Variants in ANKRD55 observed in about 807,000 individuals in gnomAD.
ANKRD55 encodes ankyrin repeat domain-containing protein 55.
A neutral mutation model predicts 60.6 loss-of-function variants in ANKRD55; 41 were observed. The observed-to-expected ratio is 0.68, with a 90% CI of 0.53 to 0.88. The LOEUF (loss-of-function observed/expected upper bound fraction) is 0.88, where lower values mean the gene tolerates loss of function less well. ANKRD55 is among the 40% of genes least tolerant of loss of function. The pLI is 0.00. For missense variants in ANKRD55, 732 were observed against 767.6 expected (o/e 0.95, Z 0.55); for synonymous variants, 264 against 290.3 (o/e 0.91, Z 0.92).
intron 8 of ANKRD55, among the ~76,000 whole-genome samples, chr5:56,124,817 A>T (rs965736683): frequency 2.0e-5 from 3 of 152,132 alleles, no homozygotes; most frequent in Non-Finnish European, 4.4e-5. Context: ...TGAAAAATTC[A>T]ACTATTAACA....
chr5:56,154,909 C>T (rs965608169), intron 6 of ANKRD55, among the ~76,000 whole-genome samples: 3 of 152,044 alleles, frequency 2.0e-5, no homozygotes, highest in Non-Finnish European at 2.9e-5. Context: ...TAACTGGCTT[C>T]ATTTGCAATT....
At chr5:56,133,400 C>T (rs78845991) in intron 7 of ANKRD55, among the ~76,000 whole-genome samples, 1,580 of 48,008 alleles carry the variant, frequency 0.033, 23 homozygotes, top group Middle Eastern at 0.062. Context: ...GATTGTGCCA[C>T]TGCACTCCAG....
At chr5:56,201,028 T>C (rs1759353406) in intron 2 of ANKRD55, among the ~76,000 whole-genome samples, 1 of 152,194 alleles carries the variant, frequency 6.6e-6, no homozygotes, top group African/African-American at 2.4e-5. Context: ...TTTCTGTCCC[T>C]AAGAAAGACA....
intron 2 of ANKRD55, chr5:56,193,453 G>A: frequency 2.0e-6 from 1 of 509,112 alleles, no homozygotes; most frequent in Admixed American, 3.0e-5. Context: ...TTGCTGTTCC[G>A]ATCTTGCAGT....
chr5:56,155,399 G>A (rs1253817675), intron 6 of ANKRD55, among the ~76,000 whole-genome samples: 1 of 152,128 alleles, frequency 6.6e-6, no homozygotes, highest in Non-Finnish European at 1.5e-5. Flanking sequence ...AAAACTGATT[G>A]CTTAACATCA....
chr5:56,209,180 C>T (rs2111870364), intron 2 of ANKRD55, among the ~76,000 whole-genome samples: 1 of 152,232 alleles, frequency 6.6e-6, no homozygotes, highest in South Asian at 2.1e-4. Flanking sequence ...TGGTTTCAAA[C>T]TCTTGGCCTC....
At chr5:56,173,281 TC>T (rs1305644078) in intron 4 of ANKRD55, among the ~76,000 whole-genome samples, 1 of 152,246 alleles carries the variant, frequency 6.6e-6, no homozygotes, top group East Asian at 1.9e-4. Context: ...CACTGCAGCC[TC>T]CACCTCCTGG....
chr5:56,172,402 G>A (rs1458246651), intron 4 of ANKRD55, among the ~76,000 whole-genome samples: 5 of 152,208 alleles, frequency 3.3e-5, no homozygotes, highest in East Asian at 1.9e-4. Context: ...CAAGTTCTCA[G>A]ATTAAAAGAA....
intron 6 of ANKRD55, among the ~76,000 whole-genome samples, chr5:56,157,414 T>C (rs1046231310): frequency 1.3e-5 from 2 of 151,910 alleles, no homozygotes; most frequent in Non-Finnish European, 2.9e-5. Flanking sequence ...GCCCGACACA[T>C]GTAAAGGGTC....
At chr5:56,136,814 A>G (rs916477288) in intron 7 of ANKRD55, among the ~76,000 whole-genome samples, 4 of 152,096 alleles carry the variant, frequency 2.6e-5, no homozygotes, top group Admixed American at 2.0e-4. Flanking sequence ...CCAGGTACTC[A>G]AGAGGCTGAA....
chr5:56,126,230 C>T (rs1757251458), intron 8 of ANKRD55, among the ~76,000 whole-genome samples: 1 of 152,284 alleles, frequency 6.6e-6, no homozygotes, highest in African/African-American at 2.4e-5. Context: ...AACCAGAGTG[C>T]TCAAGTCTAT....
intron 9 of ANKRD55, among the ~76,000 whole-genome samples, chr5:56,112,254 T>A (rs570043697): frequency 1.3e-5 from 2 of 151,954 alleles, no homozygotes; most frequent in Non-Finnish European, 2.9e-5. Context: ...GGTTTTAGGC[T>A]TTCTCTGACA....
At chr5:56,106,206 C>T (rs543461849) in intron 10 of ANKRD55, among the ~76,000 whole-genome samples, 2 of 152,122 alleles carry the variant, frequency 1.3e-5, no homozygotes, top group Non-Finnish European at 2.9e-5. Context: ...GGAGGAAATC[C>T]AAAGATAAAG....
intron 2 of ANKRD55, among the ~76,000 whole-genome samples, chr5:56,225,594 C>G (rs535425875): frequency 6.6e-6 from 1 of 152,314 alleles, no homozygotes; most frequent in South Asian, 2.1e-4. Flanking sequence ...CCCATCGTCT[C>G]AGCCCCAAAT....
At chr5:56,190,330 G>A (rs921798429) in intron 2 of ANKRD55, among the ~76,000 whole-genome samples, 1 of 152,128 alleles carries the variant, frequency 6.6e-6, no homozygotes, top group Non-Finnish European at 1.5e-5. Context: ...TAATTTTGAT[G>A]TAGTCTAATT....
intron 9 of ANKRD55, among the ~76,000 whole-genome samples, chr5:56,112,584 A>C (rs1353570712): frequency 6.7e-6 from 1 of 149,844 alleles, no homozygotes; most frequent in African/African-American, 2.4e-5. Context: ...TGCATGACCA[A>C]GGTCGGGCGT....
chr5:56,189,040 G>A (rs1759034111), intron 2 of ANKRD55, among the ~76,000 whole-genome samples: 1 of 152,068 alleles, frequency 6.6e-6, no homozygotes, highest in Admixed American at 6.6e-5. Context: ...TATAGTGGCT[G>A]GAGAACATTC....
chr5:56,227,166 G>T (rs1007351671), intron 2 of ANKRD55, among the ~76,000 whole-genome samples: 4 of 152,086 alleles, frequency 2.6e-5, no homozygotes, highest in Non-Finnish European at 4.4e-5. Flanking sequence ...CCATAAAAAA[G>T]GATGAGTTCA....
chr5:56,159,715 C>T (rs1351310654), intron 6 of ANKRD55, 118 bp downstream of exon 6: 9 of 1,014,008 alleles, frequency 8.9e-6, no homozygotes, highest in African/African-American at 1.6e-5. Context: ...GGTAGGAACA[C>T]AGAACCATGC....
Sources: gnomAD v4.1 joint callset for allele counts (sites outside exome capture counted in the v4.1 genomes callset) on GRCh38, gnomAD v4.1.1 for gene constraint, MANE v1.5 for transcripts, NCBI Gene and HGNC (gene_info 2026-07-23, HGNC 2026-07-21) for gene names.